Variants in LMOD1 observed in about 807,000 individuals in gnomAD.
LMOD1 encodes leiomodin-1.
In LMOD1, 8 loss-of-function variants were observed where a neutral mutation model predicts 36.5. The observed-to-expected ratio is 0.22, with a 90% CI of 0.13 to 0.40. The LOEUF is 0.40. Ranked by LOEUF, LMOD1 falls within the 10% of genes least tolerant of loss-of-function variation. The pLI is 1.00. For missense variants in LMOD1, 630 were observed against 751.1 expected, an observed-to-expected ratio of 0.84 and a Z score of 1.88; for synonymous variants, 284 against 288.7, an observed-to-expected ratio of 0.98 and a Z score of 0.17.
intron 1 of LMOD1, among the ~76,000 whole-genome samples, chr1:201,929,223 C>G (rs1026578073): frequency 8.5e-5 from 13 of 152,052 alleles, no homozygotes; most frequent in African/African-American, 3.1e-4. Flanking sequence ...CTGCCTCAGC[C>G]TCCCAAGTAA....
intron 1 of LMOD1, among the ~76,000 whole-genome samples, chr1:201,915,826 G>A (rs555789857): frequency 3.3e-5 from 5 of 152,072 alleles, no homozygotes; most frequent in South Asian, 2.1e-4. Flanking sequence ...ACCTCCTCTC[G>A]GTTTCGCTGA....
At chr1:201,944,786 C>T (rs1490242464) in intron 1 of LMOD1, among the ~76,000 whole-genome samples, 1 of 152,080 alleles carries the variant, frequency 6.6e-6, no homozygotes, top group Non-Finnish European at 1.5e-5. Context: ...TGCTTCACCC[C>T]CTTCCCTCCT....
At chr1:201,910,810 A>G (rs549117112) in intron 1 of LMOD1, among the ~76,000 whole-genome samples, 1 of 117,402 alleles carries the variant, frequency 8.5e-6, no homozygotes, top group East Asian at 2.8e-4. Flanking sequence ...ACTGAAGTGC[A>G]GTGGCACAAT....
Position 201,946,493 on chromosome 1 carries a change from G to T in LMOD1, c.-153C>A. 1 of 761,580 alleles carries T rather than the reference G, an allele frequency of 1.3e-6. No individual in the cohort carries two copies. Among genetic ancestry groups the T allele is most frequent in the Non-Finnish European group, 2.1e-6 (1 of 480,604 alleles). The allele number at this position is 761,580 out of a possible 1,614,324, so 47.2% of individuals were successfully genotyped here. On this transcript the variant is annotated 5_prime_UTR_variant, in exon 1 of 3. It adds an upstream start codon to the 5' untranslated region. Transcript: ENST00000367288. ...AGCTCCTTGGCCCTTCTGTGCTACA[G>T]GTGCTGAAGTGTTCACTGGACGCAG...
intron 1 of LMOD1, among the ~76,000 whole-genome samples, chr1:201,935,384 G>A (rs961158697): frequency 1.6e-4 from 20 of 126,694 alleles, no homozygotes; most frequent in Non-Finnish European, 3.0e-4. Context: ...TTTCCCCTTG[G>A]GGGTCTACTA....
intron 1 of LMOD1, among the ~76,000 whole-genome samples, chr1:201,929,871 G>C (rs185975297): frequency 6.6e-6 from 1 of 152,288 alleles, no homozygotes; most frequent in African/African-American, 2.4e-5. Context: ...AATGGAACAG[G>C]AGGTGCCAGA....
chr1:201,934,510 C>A (rs1005464875), intron 1 of LMOD1, among the ~76,000 whole-genome samples: 1 of 152,178 alleles, frequency 6.6e-6, no homozygotes, highest in Non-Finnish European at 1.5e-5. Flanking sequence ...ACTGAATTAT[C>A]CCCATCAGCC....
chr1:201,931,408 G>A (rs1268742244), intron 1 of LMOD1, among the ~76,000 whole-genome samples: 3 of 151,990 alleles, frequency 2.0e-5, no homozygotes, highest in Admixed American at 6.6e-5. Context: ...GGCGGTGCGT[G>A]CCTGTAATCC....
chr1:201,906,004 G>C (rs1393484860), intron 1 of LMOD1, among the ~76,000 whole-genome samples: 1 of 152,164 alleles, frequency 6.6e-6, no homozygotes, highest in Admixed American at 6.5e-5. Context: ...AATGTGGCCT[G>C]GTGATACCTG....
intron 1 of LMOD1, 125 bp downstream of exon 1, chr1:201,945,955 T>C: frequency 1.0e-6 from 1 of 961,608 alleles, no homozygotes; most frequent in African/African-American, 1.6e-5. Flanking sequence ...TCATCAGTTC[T>C]GAAGCATTAA....
intron 1 of LMOD1, among the ~76,000 whole-genome samples, chr1:201,909,492 T>C (rs2820318): frequency 0.32 from 48,814 of 152,014 alleles, 8,074 homozygotes; most frequent in African/African-American, 0.34. Flanking sequence ...GCAATCCTCC[T>C]GCCTTGGCCT....
intron 1 of LMOD1, among the ~76,000 whole-genome samples, chr1:201,931,684 G>A (rs759685119): frequency 6.6e-6 from 1 of 152,078 alleles, no homozygotes; most frequent in African/African-American, 2.4e-5. Context: ...GTGTCTCCAC[G>A]AAATATGAGG....
chr1:201,901,511 A>T lies in LMOD1; in HGVS notation c.262-760T>A, dbSNP rs868261618. On this transcript the variant is annotated intron_variant, in intron 1 of 2. Transcript: ENST00000367288. The stretch of plus-strand genomic sequence containing the variant: ...GAGCGAAACTCTGTCTCAAAAAAAA[A>T]ATATATATATATATATATGTATATA... 3.5e-3 allele frequency among the ~76,000 whole-genome samples: 261 copies of T among 75,174 alleles called. 7 individuals carry two copies. Among genetic ancestry groups the T allele is most frequent in the Middle Eastern group, 0.011 (2 of 184 alleles). The allele number at this position is 75,174 out of a possible 152,430, so 49.3% of individuals were successfully genotyped here.
chr1:201,910,521 C>T (rs562962396), intron 1 of LMOD1, among the ~76,000 whole-genome samples: 8 of 152,106 alleles, frequency 5.3e-5, no homozygotes, highest in South Asian at 4.2e-4. Context: ...TGTGCTCAAG[C>T]GATTCTCCTG....
intron 1 of LMOD1, among the ~76,000 whole-genome samples, chr1:201,922,884 G>A (rs1385195049): frequency 6.6e-6 from 1 of 151,906 alleles, no homozygotes; most frequent in Non-Finnish European, 1.5e-5. Context: ...GAGTGCAGTG[G>A]CACGATCTCG....
intron 1 of LMOD1, among the ~76,000 whole-genome samples, chr1:201,913,137 A>G (rs1681542003): frequency 6.6e-6 from 1 of 152,140 alleles, no homozygotes; most frequent in African/African-American, 2.4e-5. Context: ...GGGGACTGAC[A>G]GCCATTTTAT....
intron 1 of LMOD1, among the ~76,000 whole-genome samples, chr1:201,908,651 G>T (rs1333787533): frequency 6.6e-6 from 1 of 152,122 alleles, no homozygotes; most frequent in African/African-American, 2.4e-5. Flanking sequence ...ACTACTGACA[G>T]CACTGCATAG....
chr1:201,912,942 C>A (rs1039957055), intron 1 of LMOD1, among the ~76,000 whole-genome samples: 2 of 152,146 alleles, frequency 1.3e-5, no homozygotes, highest in African/African-American at 4.8e-5. Flanking sequence ...TGTTTGGTTA[C>A]CTGCTAAGGC....
At chr1:201,937,080 G>A (rs769634313) in intron 1 of LMOD1, among the ~76,000 whole-genome samples, 16 of 152,172 alleles carry the variant, frequency 1.1e-4, no homozygotes, top group Non-Finnish European at 1.9e-4. Context: ...TATGTCATAT[G>A]TTACATGTTA....
Sources: allele counts gnomAD v4.1 joint callset (sites outside exome capture counted in the v4.1 genomes callset), GRCh38; gene constraint gnomAD v4.1.1; transcripts MANE v1.5; gene names NCBI Gene and HGNC (gene_info 2026-07-23, HGNC 2026-07-21).